The following RANBP17 variants were observed in gnomAD, a reference collection of about 807,000 sequenced individuals.
RANBP17 encodes ran-binding protein 17.
A neutral mutation model predicts 141.2 loss-of-function variants in RANBP17; 158 were observed. The observed-to-expected ratio is 1.12, with a 90% CI of 0.98 to 1.28. The LOEUF is 1.28. RANBP17 is among the 50% of genes most tolerant of loss of function. The probability of loss-of-function intolerance (pLI) is 0.00; values close to 1 mark genes in which losing one functional copy is unlikely to be tolerated. For missense variants in RANBP17, 1,438 were observed against 1,290.7 expected (o/e 1.11, Z -1.75); for synonymous variants, 430 against 450.0 (o/e 0.96, Z 0.56).
At chr5:171,153,802 C>T (rs1023762783) in intron 14 of RANBP17, among the ~76,000 whole-genome samples, 2 of 152,084 alleles carry the variant, frequency 1.3e-5, no homozygotes, top group Non-Finnish European at 2.9e-5. Flanking sequence ...AATCTTCAGG[C>T]GGATCACCTG....
rs768694742 is a variant in RANBP17 at position 170,862,061 on chromosome 5, C to G, written c.18+10C>G. The G allele has an allele frequency of 6.9e-7, 1 of 1,454,682 alleles. No homozygotes were observed. The allele number at this position is 1,454,682 out of a possible 1,614,324, so 90.1% of individuals were successfully genotyped here. On this transcript the variant is annotated intron_variant, in intron 1 of 27. Coordinates refer to ENST00000523189, the MANE Select transcript of RANBP17 (RefSeq NM_022897.5). ...GGCGCTGCACTTCCAGGTCAGTGTGCTCTGCGCCGCGGGCCCGCGCTCCGC... is the reference window on the plus strand; with the variant it reads ...GGCGCTGCACTTCCAGGTCAGTGTGGTCTGCGCCGCGGGCCCGCGCTCCGC...
intron 14 of RANBP17, among the ~76,000 whole-genome samples, chr5:170,981,656 T>G (rs1338568590): frequency 6.6e-6 from 1 of 152,058 alleles, no homozygotes; most frequent in Non-Finnish European, 1.5e-5. Flanking sequence ...CATGTGAAAC[T>G]GTAAGTCCGT....
At chr5:171,166,613 C>T (rs971698160) in intron 14 of RANBP17, among the ~76,000 whole-genome samples, 9 of 152,048 alleles carry the variant, frequency 5.9e-5, no homozygotes, top group African/African-American at 1.9e-4. Flanking sequence ...TTTCATTGAC[C>T]TGTGCTTGAT....
chr5:171,025,790 G>A (rs1392258856), intron 14 of RANBP17, among the ~76,000 whole-genome samples: 2 of 151,960 alleles, frequency 1.3e-5, no homozygotes, highest in Non-Finnish European at 2.9e-5. Context: ...ATCTTGCTAT[G>A]TTGTCCAGCC....
chr5:171,193,059 C>T (rs750010681), intron 18 of RANBP17, among the ~76,000 whole-genome samples: 10 of 152,176 alleles, frequency 6.6e-5, no homozygotes, highest in Non-Finnish European at 1.5e-4. Context: ...AAGTCATCAG[C>T]TCTTCTGAGA....
chr5:170,957,266 CAG>C (rs146630479), intron 13 of RANBP17, among the ~76,000 whole-genome samples: 4,031 of 152,182 alleles, frequency 0.026, 171 homozygotes, highest in African/African-American at 0.091. Context: ...CCCTGGAAAA[CAG>C]AGCCTTGGGT....
intron 12 of RANBP17, among the ~76,000 whole-genome samples, chr5:170,946,608 A>C (rs1023845732): frequency 2.6e-5 from 4 of 152,174 alleles, no homozygotes; most frequent in African/African-American, 9.7e-5. Context: ...CAACATTTTC[A>C]TCAGCTAACC....
At chr5:171,292,564 A>G (rs767670373) in intron 25 of RANBP17, among the ~76,000 whole-genome samples, 5 of 152,186 alleles carry the variant, frequency 3.3e-5, no homozygotes, top group Non-Finnish European at 7.4e-5. Flanking sequence ...AGGCCACCAA[A>G]GCCCAGTAAG....
chr5:171,033,122 C>T (rs1417163201), intron 14 of RANBP17, among the ~76,000 whole-genome samples: 2 of 131,786 alleles, frequency 1.5e-5, no homozygotes, highest in Admixed American at 1.9e-4. Flanking sequence ...TAGGACTGGA[C>T]TTGGAATCTG....
At chr5:170,995,720 T>C (rs2127570189) in intron 14 of RANBP17, among the ~76,000 whole-genome samples, 1 of 152,328 alleles carries the variant, frequency 6.6e-6, no homozygotes, top group East Asian at 1.9e-4. Flanking sequence ...ATAACCACTG[T>C]ATCACTCTAG....
intron 14 of RANBP17, among the ~76,000 whole-genome samples, chr5:171,122,636 T>C (rs770683975): frequency 7.2e-5 from 11 of 152,160 alleles, no homozygotes; most frequent in Non-Finnish European, 1.5e-4. Flanking sequence ...TAACAGTCCA[T>C]GTTCCCACTG....
intron 1 of RANBP17, among the ~76,000 whole-genome samples, chr5:170,877,269 A>AAT (rs375305912): frequency 0.022 from 3,304 of 151,848 alleles, 119 homozygotes; most frequent in African/African-American, 0.075. Flanking sequence ...TAATAAAAAT[A>AAT]ATATATATAT....
chr5:171,037,014 G>GGTA (rs1160422252), intron 14 of RANBP17, among the ~76,000 whole-genome samples: 4 of 152,008 alleles, frequency 2.6e-5, no homozygotes, highest in Non-Finnish European at 5.9e-5. Flanking sequence ...GAAATCCCAA[G>GGTA]GTACTTTCCA....
intron 3 of RANBP17, among the ~76,000 whole-genome samples, chr5:170,883,629 T>C (rs182963306): frequency 6.6e-6 from 1 of 152,198 alleles, no homozygotes; most frequent in Non-Finnish European, 1.5e-5. Context: ...ACCCTGATCT[T>C]TTTACTGTCT....
At chr5:170,943,210 G>T (rs1409368747) in intron 12 of RANBP17, among the ~76,000 whole-genome samples, 3 of 152,088 alleles carry the variant, frequency 2.0e-5, no homozygotes, top group African/African-American at 7.2e-5. Context: ...TTGCGTGTGT[G>T]AACACTTCAG....
chr5:171,047,741 A>G (rs1399366919), intron 14 of RANBP17, among the ~76,000 whole-genome samples: 3 of 152,170 alleles, frequency 2.0e-5, no homozygotes, highest in Non-Finnish European at 2.9e-5. Context: ...TTTTCTTGCT[A>G]TTGAGTTTTG....
intron 14 of RANBP17, among the ~76,000 whole-genome samples, chr5:171,088,586 A>C (rs988938421): frequency 2.0e-5 from 3 of 152,324 alleles, no homozygotes; most frequent in Non-Finnish European, 4.4e-5. Context: ...TCTCCCCGTC[A>C]CTTTCAGGTA....
At chr5:171,156,360 T>G (rs1444403375) in intron 14 of RANBP17, among the ~76,000 whole-genome samples, 2 of 152,140 alleles carry the variant, frequency 1.3e-5, no homozygotes, top group African/African-American at 4.8e-5. Context: ...TGAGTAAAGT[T>G]TAATCCTGAT....
intron 18 of RANBP17, among the ~76,000 whole-genome samples, chr5:171,194,048 A>G (rs567814800): frequency 3.3e-5 from 5 of 151,992 alleles, no homozygotes; most frequent in Admixed American, 6.6e-5. Context: ...TTATCATATC[A>G]TTTCTATTAC....
Sources: gnomAD v4.1 joint callset for allele counts (sites outside exome capture counted in the v4.1 genomes callset) on GRCh38, gnomAD v4.1.1 for gene constraint, MANE v1.5 for transcripts, NCBI Gene and HGNC (gene_info 2026-07-23, HGNC 2026-07-21) for gene names.